FOXP1: variants seen among roughly 807,000 people sequenced by gnomAD.
FOXP1 encodes the protein forkhead box protein P1.
Under a neutral mutation model 98.2 loss-of-function variants are expected in FOXP1, and 15 were observed. The ratio of observed to expected loss-of-function variants is 0.15; its 90% confidence interval spans 0.10 to 0.24. FOXP1 has a LOEUF of 0.24. FOXP1 is among the 10% of genes least tolerant of loss of function. The pLI, the probability that FOXP1 is intolerant of heterozygous loss-of-function variation, is 1.00. For synonymous variants in FOXP1, 371 were observed against 314.5 expected, an observed-to-expected ratio of 1.18 and a Z score of -1.90; for missense variants, 633 against 848.5, an observed-to-expected ratio of 0.75 and a Z score of 3.15.
chr3:70,964,823 C>G (rs929507172), intron 20 of FOXP1, among the ~76,000 whole-genome samples: 2 of 152,124 alleles, frequency 1.3e-5, no homozygotes, highest in South Asian at 2.1e-4. Flanking sequence ...GCTAGAAAAT[C>G]AAATTTCAGA....
intron 6 of FOXP1, among the ~76,000 whole-genome samples, chr3:71,192,554 C>T (rs1419903459): frequency 6.6e-6 from 1 of 152,258 alleles, no homozygotes. Flanking sequence ...TCTTCTTCTA[C>T]TCAATGTCCA....
intron 3 of FOXP1, among the ~76,000 whole-genome samples, chr3:71,477,763 A>G (rs1375155625): frequency 1.3e-5 from 2 of 152,228 alleles, no homozygotes; most frequent in African/African-American, 4.8e-5. Context: ...TCAAGTGACA[A>G]TGGAAAAGAA....
intron 3 of FOXP1, among the ~76,000 whole-genome samples, chr3:71,364,449 T>C (rs1404433961): frequency 6.6e-6 from 1 of 152,206 alleles, no homozygotes; most frequent in Non-Finnish European, 1.5e-5. Context: ...AATACTGAGC[T>C]TCTAAGAAGT....
At chr3:71,312,832 CAA>C (rs56825687) in intron 4 of FOXP1, among the ~76,000 whole-genome samples, 1 of 151,596 alleles carries the variant, frequency 6.6e-6, no homozygotes, top group Non-Finnish European at 1.5e-5. Context: ...CCAAAAAATA[CAA>C]AAAAAAATTA....
Position 70,965,941 on chromosome 3 carries a change from G to A in FOXP1, c.1838C>T (p.Thr613Ile), listed in dbSNP as rs1318614471. 5 of 1,614,126 alleles carry A rather than the reference G, an allele frequency of 3.1e-6. No homozygotes were observed. The highest frequency in any genetic ancestry group is 4.2e-6 in the Non-Finnish European group (5 of 1,180,002). Reference protein sequence around the residue: ...REELNGAMEHTNSNESDSSPG... With the variant: ...REELNGAMEHINSNESDSSPG... Reference sequence around the variant, plus strand: ...ACTGCTGTCACTCTCGTTGCTGTTGGTATGCTCCATTGCCCCGTTCAGCTC... The same window carrying A: ...ACTGCTGTCACTCTCGTTGCTGTTGATATGCTCCATTGCCCCGTTCAGCTC... Residue 613 changes from threonine to isoleucine, a missense_variant, in exon 20 of 21, where the codon ACC becomes ATC. This residue lies in a region of FOXP1 where 150 missense variants were observed against 163.7 expected (regional missense o/e 0.92). Coordinates refer to ENST00000649528, the MANE Select transcript of FOXP1 (RefSeq NM_001349338.3).
chr3:71,387,834 A>G (rs908927857), intron 3 of FOXP1, among the ~76,000 whole-genome samples: 1 of 152,252 alleles, frequency 6.6e-6, no homozygotes, highest in African/African-American at 2.4e-5. Flanking sequence ...AATGCTCTTA[A>G]GAGAATGGGT....
chr3:71,154,891 T>C (rs2060745064), intron 6 of FOXP1, among the ~76,000 whole-genome samples: 1 of 152,148 alleles, frequency 6.6e-6, no homozygotes, highest in Non-Finnish European at 1.5e-5. Context: ...TTTTTTAACA[T>C]TTGCAATAAG....
At chr3:71,261,355 C>T (rs1428279137) in intron 5 of FOXP1, among the ~76,000 whole-genome samples, 1 of 151,380 alleles carries the variant, frequency 6.6e-6, no homozygotes, top group African/African-American at 2.4e-5. Flanking sequence ...GTTTCCAGTT[C>T]TGCAATCTGG....
chr3:71,480,111 G>C (rs1386540283), intron 3 of FOXP1, among the ~76,000 whole-genome samples: 1 of 152,194 alleles, frequency 6.6e-6, no homozygotes, highest in African/African-American at 2.4e-5. Context: ...CAGAAGAATT[G>C]GTTGACCCCG....
At chr3:71,033,560 G>A (rs555435904) in intron 11 of FOXP1, among the ~76,000 whole-genome samples, 4 of 141,180 alleles carry the variant, frequency 2.8e-5, no homozygotes, top group Non-Finnish European at 6.0e-5. Flanking sequence ...AGAGAATAAT[G>A]GCTGAGGTTT....
At chr3:71,131,706 G>A (rs577944091) in intron 6 of FOXP1, among the ~76,000 whole-genome samples, 5 of 152,338 alleles carry the variant, frequency 3.3e-5, no homozygotes, top group African/African-American at 1.2e-4. Flanking sequence ...AGCAAATCCA[G>A]ACGCTGAAGA....
intron 4 of FOXP1, chr3:71,334,327 G>C (rs919083336): frequency 6.6e-6 from 1 of 152,174 alleles, no homozygotes; most frequent in Non-Finnish European, 1.5e-5. Context: ...AGAATCGTTT[G>C]AACCTGGGAG....
At chr3:71,449,227 T>G (rs1278826403) in intron 3 of FOXP1, among the ~76,000 whole-genome samples, 1 of 152,126 alleles carries the variant, frequency 6.6e-6, no homozygotes, top group African/African-American at 2.4e-5. Flanking sequence ...GGGCCCAAAT[T>G]ATAGGAGGCA....
At chr3:71,130,162 C>A (rs1394323362) in intron 6 of FOXP1, among the ~76,000 whole-genome samples, 3 of 152,178 alleles carry the variant, frequency 2.0e-5, no homozygotes, top group Non-Finnish European at 4.4e-5. Flanking sequence ...GAAGGCAACA[C>A]GAAACAATGT....
chr3:71,240,563 G>A lies in FOXP1; in HGVS notation c.-11-42171C>T, dbSNP rs537956812. On this transcript the variant is annotated intron_variant, in intron 5 of 20. Coordinates refer to ENST00000649528, the MANE Select transcript of FOXP1 (RefSeq NM_001349338.3). ...TTGTGTTTTTTTATTTTTTTTTTTA[G>A]ACGGAGTCTCGCTCTGTCACCCAGG... Among the ~76,000 whole-genome samples the A allele has an allele frequency of 8.2e-5, 12 of 146,766 alleles. 1 individual carries two copies. The South Asian group carries it at 2.6e-3, about 32-fold the overall frequency.
At chr3:71,491,211 G>A (rs1345574616) in intron 3 of FOXP1, among the ~76,000 whole-genome samples, 1 of 152,056 alleles carries the variant, frequency 6.6e-6, no homozygotes, top group Admixed American at 6.5e-5. Flanking sequence ...GGATGAGGTT[G>A]CACCATATTG....
chr3:71,489,353 C>G (rs1191249788), intron 3 of FOXP1, among the ~76,000 whole-genome samples: 1 of 152,106 alleles, frequency 6.6e-6, no homozygotes, highest in Non-Finnish European at 1.5e-5. Flanking sequence ...ATGAATGTTG[C>G]GTGACGCTTA....
At chr3:71,553,495 CT>C (rs2045916952) in intron 2 of FOXP1, among the ~76,000 whole-genome samples, 1 of 152,142 alleles carries the variant, frequency 6.6e-6, no homozygotes, top group Non-Finnish European at 1.5e-5. Context: ...AAAATGTTCA[CT>C]TTTTGAGCTC....
In FOXP1 at chr3:70,977,832, C is replaced by G. The variant is rs143503790; in HGVS notation, c.1344G>C (p.Ser448=). The part of the protein sequence containing the change: ...RYSDKYNVPI[S]SADIAQNQEF... ...GGCAAAAGGTGGAGTATCTACCTGACGAAATGGGCACGTTGTATTTGTCTG... is the reference window on the plus strand; with the variant it reads ...GGCAAAAGGTGGAGTATCTACCTGAGGAAATGGGCACGTTGTATTTGTCTG... Residue 448 remains serine, a synonymous_variant, in exon 15 of 21, where the codon TCG becomes TCC. Coordinates refer to ENST00000649528, the MANE Select transcript of FOXP1 (RefSeq NM_001349338.3). 2 of 1,613,910 alleles carry G rather than the reference C, an allele frequency of 1.2e-6. No individual in the cohort carries two copies. The highest frequency in any genetic ancestry group is 1.3e-5 in the African/African-American group (1 of 74,892).
Sources: allele counts gnomAD v4.1 joint callset (sites outside exome capture counted in the v4.1 genomes callset), GRCh38; gene constraint gnomAD v4.1.1; regional missense constraint gnomAD v4.1.1; transcripts MANE v1.5; gene names NCBI Gene and HGNC (gene_info 2026-07-23, HGNC 2026-07-21).